The following ERC2 variants were observed in gnomAD, a reference collection of about 807,000 sequenced individuals.
The protein encoded by ERC2 is ELKS/RAB6-interacting/CAST family member 2.
ERC2 carries 42 observed loss-of-function variants against 114.8 expected under a neutral mutation model. The ratio of observed to expected loss-of-function variants is 0.37; its 90% confidence interval spans 0.29 to 0.47. ERC2 has a LOEUF of 0.47. Ranked by LOEUF, ERC2 falls within the 20% of genes least tolerant of loss-of-function variation. The pLI, the probability that ERC2 is intolerant of heterozygous loss-of-function variation, is 0.99. For missense variants in ERC2, 939 were observed against 1,150.7 expected, an observed-to-expected ratio of 0.82 and a Z score of 2.66; for synonymous variants, 454 against 425.5, an observed-to-expected ratio of 1.07 and a Z score of -0.82.
chr3:55,950,913 T>G (rs1165538354), intron 12 of ERC2, among the ~76,000 whole-genome samples: 1 of 152,092 alleles, frequency 6.6e-6, no homozygotes, highest in African/African-American at 2.4e-5. Flanking sequence ...TGTGCATGTG[T>G]GGACAGGTGG....
chr3:55,846,685 C>CTCTT (rs397770879), intron 14 of ERC2, among the ~76,000 whole-genome samples: 1 of 109,720 alleles, frequency 9.1e-6, no homozygotes, highest in Admixed American at 8.5e-5. Context: ...CTCTCTCTCT[C>CTCTT]TCTCTCTTTC....
At chr3:55,910,010 TGTATTCAG>T (rs1463258678) in intron 13 of ERC2, among the ~76,000 whole-genome samples, 2 of 152,218 alleles carry the variant, frequency 1.3e-5, no homozygotes, top group African/African-American at 4.8e-5. Context: ...ATATACGTTA[TGTATTCAG>T]GTTGTTTTTT....
intron 17 of ERC2, among the ~76,000 whole-genome samples, chr3:55,579,958 CA>C (rs2057176406): frequency 6.6e-6 from 1 of 152,200 alleles, no homozygotes; most frequent in African/African-American, 2.4e-5. Context: ...TGCTAAGCTG[CA>C]ATGCTTAATT....
At chr3:55,773,502 T>C (rs1381166143) in intron 14 of ERC2, among the ~76,000 whole-genome samples, 1 of 152,250 alleles carries the variant, frequency 6.6e-6, no homozygotes, top group African/African-American at 2.4e-5. Context: ...CAATTTCCTA[T>C]TTTTAAACTT....
At chr3:55,592,754 T>C (rs920388112) in intron 17 of ERC2, among the ~76,000 whole-genome samples, 10 of 152,164 alleles carry the variant, frequency 6.6e-5, no homozygotes, top group Admixed American at 1.3e-4. Context: ...GACACCTACG[T>C]AGTTAAATCA....
chr3:56,275,788 C>T (rs79123197), intron 3 of ERC2, among the ~76,000 whole-genome samples: 1,996 of 152,282 alleles, frequency 0.013, 38 homozygotes, highest in African/African-American at 0.044. Context: ...CTCTATCCCA[C>T]AGGAGACACC....
intron 13 of ERC2, among the ~76,000 whole-genome samples, chr3:55,938,327 A>G (rs1457562088): frequency 6.7e-6 from 1 of 149,948 alleles, no homozygotes; most frequent in Non-Finnish European, 1.5e-5. Context: ...CAACTGCCAT[A>G]TATCTCCCAG....
In ERC2 at chr3:55,809,029, C is replaced by T. The variant is rs79383112; in HGVS notation, c.2565-74111G>A. ...GGTCTGGTCAAATAGCAGCTATGTC[C>T]CCCAGTGCAGTCTTTTTAAAAAAAT... is the stretch of plus-strand genomic sequence containing the variant. On this transcript the variant is annotated intron_variant, in intron 14 of 17. Coordinates refer to ENST00000288221, the MANE Select transcript of ERC2 (RefSeq NM_015576.3). Among the ~76,000 whole-genome samples, 744 of 151,626 alleles carry T rather than the reference C, an allele frequency of 4.9e-3. 6 individuals carry two copies. The highest frequency in any genetic ancestry group is 0.017 in the African/African-American group (704 of 41,308).
intron 17 of ERC2, among the ~76,000 whole-genome samples, chr3:55,523,915 T>C (rs1559595405): frequency 1.3e-5 from 2 of 152,208 alleles, no homozygotes; most frequent in African/African-American, 4.8e-5. Context: ...GCACTAAAAG[T>C]GAGAGCCGGA....
chr3:56,016,879 A>G (rs946814083), intron 8 of ERC2, among the ~76,000 whole-genome samples: 2 of 152,084 alleles, frequency 1.3e-5, no homozygotes, highest in African/African-American at 4.8e-5. Flanking sequence ...CCCAGAGTTT[A>G]TAGGCTACTG....
intron 3 of ERC2, among the ~76,000 whole-genome samples, chr3:56,254,943 A>T (rs547822208): frequency 6.6e-6 from 1 of 152,262 alleles, no homozygotes; most frequent in African/African-American, 2.4e-5. Flanking sequence ...CCGGTGAAAA[A>T]TTATTGTAGC....
chr3:56,388,322 T>C (rs2060007506), intron 2 of ERC2, among the ~76,000 whole-genome samples: 2 of 152,072 alleles, frequency 1.3e-5, no homozygotes, highest in Admixed American at 1.3e-4. Context: ...TCGTGCTAGA[T>C]CTGGTTGTTT....
At chr3:56,398,872 G>A (rs1478911581) in intron 2 of ERC2, among the ~76,000 whole-genome samples, 1 of 152,142 alleles carries the variant, frequency 6.6e-6, no homozygotes, top group Non-Finnish European at 1.5e-5. Context: ...TCCCATTTCA[G>A]CCTCCCAAAG....
intron 3 of ERC2, among the ~76,000 whole-genome samples, chr3:56,197,068 A>T (rs2048152097): frequency 6.6e-6 from 1 of 152,076 alleles, no homozygotes; most frequent in African/African-American, 2.4e-5. Flanking sequence ...GGTGTGAAAA[A>T]AGCTCTTGGT....
intron 12 of ERC2, among the ~76,000 whole-genome samples, chr3:55,981,612 G>C (rs575581274): frequency 3.5e-4 from 53 of 152,280 alleles, no homozygotes; most frequent in African/African-American, 1.2e-3. Flanking sequence ...GGAGGAGGGG[G>C]AGGAGAGGGA....
chr3:56,245,387 T>G (rs7653453), intron 3 of ERC2, among the ~76,000 whole-genome samples: 49,359 of 151,698 alleles, frequency 0.33, 10,032 homozygotes, highest in East Asian at 0.64. Context: ...CCAGTATATG[T>G]CAGTACAGCA....
chr3:55,736,032 T>A (rs1285945410), intron 14 of ERC2, among the ~76,000 whole-genome samples: 1 of 152,124 alleles, frequency 6.6e-6, no homozygotes, highest in African/African-American at 2.4e-5. Context: ...ATGCCCCTTA[T>A]CTAAACTCAT....
At chr3:55,851,188 T>TTTTTTTTTTTTTTTTTTTGAGACGG (rs1427189122) in intron 14 of ERC2, among the ~76,000 whole-genome samples, 20 of 148,056 alleles carry the variant, frequency 1.4e-4, no homozygotes, top group East Asian at 4.0e-4. Flanking sequence ...ATGATTTTTT[T>TTTTTTTTTTTTTTTTTTTGAGACGG]AAGCCCATGC....
rs141962770 is a variant in ERC2, at chr3:55,795,349, G to A, written c.2565-60431C>T. Among the ~76,000 whole-genome samples the A allele has an allele frequency of 6.8e-4, 104 of 152,080 alleles. 3 individuals carry two copies. In the East Asian group the frequency reaches 0.019, roughly 28 times the overall value. ...TTGCCAGACCTCCTGGATAAGCTGGGGCACCTTGCTTTGCCCCAGATCTCC... is the reference window on the plus strand; with the variant it reads ...TTGCCAGACCTCCTGGATAAGCTGGAGCACCTTGCTTTGCCCCAGATCTCC... On this transcript the variant is annotated intron_variant, in intron 14 of 17. Coordinates refer to ENST00000288221, the MANE Select transcript of ERC2 (RefSeq NM_015576.3).
Sources: gnomAD v4.1 joint callset for allele counts (sites outside exome capture counted in the v4.1 genomes callset) on GRCh38, gnomAD v4.1.1 for gene constraint, MANE v1.5 for transcripts, NCBI Gene and HGNC (gene_info 2026-07-23, HGNC 2026-07-21) for gene names.